The following SLC25A31 variants were observed in gnomAD, a reference collection of about 807,000 sequenced individuals.
The protein encoded by SLC25A31 is solute carrier family 25 member 31, also known as ADP/ATP translocase 4.
Under a neutral mutation model 36.2 loss-of-function variants are expected in SLC25A31, and 40 were observed. The ratio of observed to expected loss-of-function variants is 1.10; its 90% CI spans 0.86 to 1.44. The LOEUF (loss-of-function observed/expected upper bound fraction) is 1.44. SLC25A31 is among the 40% of genes most tolerant of loss of function. The pLI is 0.00. For synonymous variants in SLC25A31, 143 were observed against 149.7 expected (o/e 0.96, Z 0.32); for missense variants, 350 against 397.1 (o/e 0.88, Z 1.01).
In SLC25A31 at chr4:127,773,487, T is replaced by G; in HGVS notation, c.861T>G (p.Asn287Lys). The change falls in exon 6 of 6, where the codon AAT (asparagine) becomes AAG (lysine). Residue 287 changes from asparagine to lysine, a missense_variant. Asn to Lys is a moderately conservative substitution (Grantham distance 94). Transcript: ENST00000281154. ...ISSFFRGAFS[N>K]VLRGTGGALV... ...CCTTTTTTCGTGGCGCCTTCTCCAA[T>G]GTTCTTCGCGGTACAGGGGGTGCTT... 6 of 1,614,136 alleles carry G rather than the reference T, an allele frequency of 3.7e-6. No homozygotes were observed. The highest frequency in any genetic ancestry group is 5.1e-6 in the Non-Finnish European group (6 of 1,180,000).
At position 127,749,708 on chromosome 4, in the gene SLC25A31, C is replaced by CA. The variant is rs34540386; in HGVS notation, c.360+4927dup. 2.5e-3 allele frequency among the ~76,000 whole-genome samples: 264 copies of CA among 106,088 alleles called. 5 individuals are homozygous for CA. The highest frequency in any genetic ancestry group is 5.3e-3 in the African/African-American group (146 of 27,704). The allele number at this position is 106,088 out of a possible 152,430, so 69.6% of individuals were successfully genotyped here. ...TGGGTGACAGAGTGAGACTCCATCT[C>CA]AAAAAAAAAAAAAAAAAAGCCAGGT... On this transcript the variant is annotated intron_variant, in intron 2 of 5. Transcript: ENST00000281154.
intron 2 of SLC25A31, among the ~76,000 whole-genome samples, chr4:127,759,997 A>C (rs1349834594): frequency 6.6e-6 from 1 of 152,102 alleles, no homozygotes; most frequent in Non-Finnish European, 1.5e-5. Context: ...GGAGGGAGAG[A>C]AGTGGCTGTG....
intron 2 of SLC25A31, among the ~76,000 whole-genome samples, chr4:127,761,434 A>G (rs972091525): frequency 2.0e-5 from 3 of 152,188 alleles, no homozygotes; most frequent in African/African-American, 7.2e-5. Flanking sequence ...CAGGAAAAAG[A>G]TGATTTATTG....
In SLC25A31 at chr4:127,773,641, T is replaced by C. The variant is rs1191049240; in HGVS notation, c.*67T>C. The C allele has an allele frequency of 3.1e-6, 4 of 1,271,624 alleles. No individual in the cohort carries two copies. The highest frequency in any genetic ancestry group is 3.2e-6 in the Non-Finnish European group (3 of 938,532). The allele number at this position is 1,271,624 out of a possible 1,614,324, so 78.8% of individuals were successfully genotyped here. A position where few individuals can be genotyped will look rare whatever the true frequency, so the allele number is the denominator to read the frequency against. On this transcript the variant is annotated 3_prime_UTR_variant, in exon 6 of 6. Coordinates refer to ENST00000281154, the MANE Select transcript of SLC25A31 (RefSeq NM_031291.4). ...AACATACAAATTACATAGCTGCCATTTGCATACATTTTGATAGTGTTATTG... is the reference window on the plus strand; with the variant it reads ...AACATACAAATTACATAGCTGCCATCTGCATACATTTTGATAGTGTTATTG...
At chr4:127,733,680 T>C (rs1731572046) in intron 1 of SLC25A31, among the ~76,000 whole-genome samples, 1 of 152,216 alleles carries the variant, frequency 6.6e-6, no homozygotes, top group East Asian at 1.9e-4. Flanking sequence ...GCAATTTGCC[T>C]TCTCTTTCTT....
intron 3 of SLC25A31, 117 bp from the exon 4 acceptor site, chr4:127,766,945 CTTCT>C (rs973740115): frequency 3.6e-5 from 29 of 810,878 alleles, no homozygotes; most frequent in East Asian, 6.2e-5. Context: ...TGATTTGTGC[CTTCT>C]TTGTTAGATT....
intron 2 of SLC25A31, among the ~76,000 whole-genome samples, chr4:127,761,285 A>G (rs1270346621): frequency 2.0e-5 from 3 of 152,190 alleles, no homozygotes; most frequent in Admixed American, 6.5e-5. Context: ...GCCAAAAATC[A>G]TTGATCTGCC....
At chr4:127,735,876 A>ATTTTTTTTTT (rs1560630392) in intron 1 of SLC25A31, among the ~76,000 whole-genome samples, 2 of 73,748 alleles carry the variant, frequency 2.7e-5, no homozygotes, top group African/African-American at 9.5e-5. Context: ...TATTTTATTT[A>ATTTTTTTTTT]TTTATTTATT....
At chr4:127,746,237 T>C (rs1323271346) in intron 2 of SLC25A31, among the ~76,000 whole-genome samples, 1 of 152,232 alleles carries the variant, frequency 6.6e-6, no homozygotes, top group Non-Finnish European at 1.5e-5. Flanking sequence ...TTCCAGGTTT[T>C]TGCTATTGTG....
At chr4:127,765,125 G>GT (rs1732217310) in intron 3 of SLC25A31, among the ~76,000 whole-genome samples, 1 of 152,156 alleles carries the variant, frequency 6.6e-6, no homozygotes, top group Non-Finnish European at 1.5e-5. Flanking sequence ...AACTGGCCCC[G>GT]TTAAATCTGG....
At chr4:127,763,208 C>A in intron 2 of SLC25A31, among the ~76,000 whole-genome samples, 1 of 152,216 alleles carries the variant, frequency 6.6e-6, no homozygotes, top group East Asian at 1.9e-4. Context: ...TGATCATATA[C>A]AGTTTCAATA....
chr4:127,752,012 G>A lies in SLC25A31; in HGVS notation c.360+7213G>A, dbSNP rs1273863834. ...CAACCATTGTGGAAGACAGTGTGGC[G>A]ATTCCTCAAGGATCTAGAACTAGAA... is the stretch of plus-strand genomic sequence containing the variant. On this transcript the variant is annotated intron_variant, in intron 2 of 5. Transcript: ENST00000281154. Among the ~76,000 whole-genome samples the A allele has an allele frequency of 9.2e-5, 14 of 152,252 alleles. No homozygotes were observed. The South Asian group carries it at 1.2e-3, about 14-fold the overall frequency.
intron 5 of SLC25A31, among the ~76,000 whole-genome samples, chr4:127,770,519 G>A (rs564278465): frequency 1.8e-4 from 28 of 152,064 alleles, no homozygotes; most frequent in African/African-American, 6.3e-4. Flanking sequence ...CCAGCTACTC[G>A]GGAGGCTGAG....
At chr4:127,736,934 T>C (rs1731644751) in intron 1 of SLC25A31, among the ~76,000 whole-genome samples, 1 of 152,210 alleles carries the variant, frequency 6.6e-6, no homozygotes, top group South Asian at 2.1e-4. Context: ...AACTGGAACC[T>C]ATGTAGTGCA....
intron 2 of SLC25A31, among the ~76,000 whole-genome samples, chr4:127,749,560 G>A (rs7689332): frequency 2.6e-5 from 4 of 151,926 alleles, no homozygotes; most frequent in African/African-American, 7.2e-5. Context: ...CCTGGCCAAC[G>A]TGGTGAAACT....
At chr4:127,730,811 C>A (rs772440369) in intron 1 of SLC25A31, 34 bp downstream of exon 1, 3 of 1,570,652 alleles carry the variant, frequency 1.9e-6, no homozygotes, top group Admixed American at 1.8e-5. Flanking sequence ...ACAGCCTCTC[C>A]CGGCGCCCTC....
intron 1 of SLC25A31, among the ~76,000 whole-genome samples, chr4:127,733,928 T>A (rs1341679089): frequency 6.6e-6 from 1 of 152,226 alleles, no homozygotes; most frequent in Admixed American, 6.5e-5. Flanking sequence ...AAATATCACT[T>A]TGAGTGTTTC....
chr4:127,757,562 C>T lies in SLC25A31; in HGVS notation c.361-6681C>T, dbSNP rs112769207. On this transcript the variant is annotated intron_variant, in intron 2 of 5. Coordinates refer to ENST00000281154, the MANE Select transcript of SLC25A31 (RefSeq NM_031291.4). ...TTGTTGGGCACTTAGGTTGATTCTA[C>T]GACTTTGTTATTGTGATTCGTGCTA... Among the ~76,000 whole-genome samples, 189 of 152,170 alleles carry T rather than the reference C, an allele frequency of 1.2e-3. 2 individuals carry two copies. The highest frequency in any genetic ancestry group is 4.3e-3 in the African/African-American group (179 of 41,508).
At chr4:127,730,848 T>C (rs1731510620) in intron 1 of SLC25A31, 71 bp downstream of exon 1, 1 of 1,430,096 alleles carries the variant, frequency 7.0e-7, no homozygotes. Flanking sequence ...AGAGGGTGGC[T>C]GGGAGGGGCA....
Sources: allele counts gnomAD v4.1 joint callset (sites outside exome capture counted in the v4.1 genomes callset), GRCh38; gene constraint gnomAD v4.1.1; transcripts MANE v1.5; gene names NCBI Gene and HGNC (gene_info 2026-07-23, HGNC 2026-07-21).